The following FUBP1 variants were observed in gnomAD, a reference collection of about 807,000 sequenced individuals.
FUBP1 encodes far upstream element-binding protein 1.
In FUBP1, 16 loss-of-function variants were observed where a neutral mutation model predicts 94.9. The ratio of observed to expected loss-of-function variants is 0.17; its 90% CI spans 0.11 to 0.26. The LOEUF (loss-of-function observed/expected upper bound fraction) is 0.26. FUBP1 is among the 10% of genes least tolerant of loss of function. The pLI is 1.00. For missense variants in FUBP1, 583 were observed against 808.6 expected, an observed-to-expected ratio of 0.72 and a Z score of 3.38; for synonymous variants, 279 against 254.9, an observed-to-expected ratio of 1.09 and a Z score of -0.90.
intron 13 of FUBP1, 55 bp from the exon 14 acceptor site, chr1:77,962,985 AT>A: frequency 4.0e-6 from 5 of 1,243,642 alleles, no homozygotes; most frequent in Non-Finnish European, 5.7e-6. Context: ...ACTAGGAGCT[AT>A]TTAGAAGAAA....
In FUBP1 at chr1:77,966,963, GAAAA is replaced by G. The variant is rs71590706; in HGVS notation, c.344-12_344-9del. 4 of 1,471,560 alleles carry G rather than the reference GAAAA, an allele frequency of 2.7e-6. No individual in the cohort carries two copies. Among genetic ancestry groups the G allele is most frequent in the African/African-American group, 1.4e-5 (1 of 70,200 alleles). 91.2% of individuals were successfully genotyped at this position (1,471,560 alleles called of 1,614,324 possible). On this transcript the variant is annotated splice_polypyrimidine_tract_variant and intron_variant, in intron 5 of 19. Transcript: ENST00000370768. ...CACCTCCTCTGCCAATTACTAGTTA[GAAAA>G]AAAAAAATTTTTTTTTTGGTTGAAA...
At chr1:77,968,129 CT>C in intron 3 of FUBP1, 35 bp downstream of exon 3, 1 of 1,346,584 alleles carries the variant, frequency 7.4e-7, no homozygotes, top group Non-Finnish European at 1.0e-6. Flanking sequence ...GAAATTGTTA[CT>C]TTAGCTTTTG....
intron 17 of FUBP1, among the ~76,000 whole-genome samples, chr1:77,956,213 A>C (rs1274434173): frequency 2.0e-5 from 3 of 152,248 alleles, no homozygotes; most frequent in Non-Finnish European, 4.4e-5. Context: ...TCATGTCTAC[A>C]GTTTAGTCTT....
At chr1:77,951,839 A>G (rs1388054754) in intron 18 of FUBP1, among the ~76,000 whole-genome samples, 3 of 152,146 alleles carry the variant, frequency 2.0e-5, no homozygotes, top group African/African-American at 4.8e-5. Context: ...GTCTTCCCAT[A>G]TAACTGTACC....
chr1:77,978,949 C>T lies in FUBP1; in HGVS notation c.56G>A (p.Gly19Asp), dbSNP rs587778373. ...AACTCCTCCACCACCACCGCCGCCACCACCGCCACCAGCTGAGCCAGAAGA... is the reference window on the plus strand; with the variant it reads ...AACTCCTCCACCACCACCGCCGCCATCACCGCCACCAGCTGAGCCAGAAGA... ...PPSSGSAGGGGGGGGGGGVND... is the reference protein window; with the variant it reads ...PPSSGSAGGGDGGGGGGGVND... Residue 19 changes from glycine (G) to aspartate (D), a missense_variant, in exon 1 of 20, where the codon GGT becomes GAT. Physicochemically the swap from Gly to Asp is moderately conservative, Grantham distance 94. Coordinates refer to ENST00000370768, the MANE Select transcript of FUBP1 (RefSeq NM_003902.5). The T allele has an allele frequency of 3.1e-6, 5 of 1,613,658 alleles. No individual in the cohort carries two copies. Among genetic ancestry groups the T allele is most frequent in the Non-Finnish European group, 4.2e-6 (5 of 1,179,678 alleles).
chr1:77,968,656 C>A (rs76777548), intron 2 of FUBP1, among the ~76,000 whole-genome samples: 126 of 142,358 alleles, frequency 8.9e-4, no homozygotes, highest in Middle Eastern at 3.7e-3. Context: ...AAAAAAAAAA[C>A]AAAAAAACCC....
At chr1:77,961,686 C>CAATT (rs1306025533) in intron 14 of FUBP1, among the ~76,000 whole-genome samples, 1 of 152,206 alleles carries the variant, frequency 6.6e-6, no homozygotes, top group Admixed American at 6.5e-5. Context: ...AATCACCACA[C>CAATT]CAAATTGCTT....
intron 4 of FUBP1, 82 bp downstream of exon 4, chr1:77,967,545 A>G (rs1656735909): frequency 1.0e-6 from 1 of 964,090 alleles, no homozygotes; most frequent in South Asian, 1.5e-5. Flanking sequence ...ACACATATTC[A>G]ATATACACCA....
At chr1:77,960,302 T>C in intron 15 of FUBP1, 39 bp from the exon 16 acceptor site, 1 of 1,612,330 alleles carries the variant, frequency 6.2e-7, no homozygotes, top group Non-Finnish European at 8.5e-7. Context: ...GTCCCAAAAC[T>C]AGAATCTTTG....
Position 77,945,257 on chromosome 1 carries a change from C to T in FUBP1, c.*3509G>A, listed in dbSNP as rs1339528374. ...AACTAACCAAAACTCAACAGGCTCT[C>T]AAGTTTCAATGAGCCCCTTTATATT... is the stretch of plus-strand genomic sequence containing the variant. On this transcript the variant is annotated 3_prime_UTR_variant, in exon 20 of 20. Coordinates refer to ENST00000370768, the MANE Select transcript of FUBP1 (RefSeq NM_003902.5). Among the ~76,000 whole-genome samples the T allele has an allele frequency of 6.6e-6, 1 of 151,926 alleles. No individual in the cohort carries two copies. Among genetic ancestry groups the T allele is most frequent in the Non-Finnish European group, 1.5e-5 (1 of 67,884 alleles).
chr1:77,970,682 A>G (rs1657357086), intron 1 of FUBP1, among the ~76,000 whole-genome samples: 1 of 152,180 alleles, frequency 6.6e-6, no homozygotes, highest in East Asian at 1.9e-4. Context: ...CAAAACCATA[A>G]TTCTTAGAAG....
At chr1:77,973,248 AT>A (rs1244287924) in intron 1 of FUBP1, among the ~76,000 whole-genome samples, 1 of 151,866 alleles carries the variant, frequency 6.6e-6, no homozygotes, top group Non-Finnish European at 1.5e-5. Context: ...ACTTTATTTA[AT>A]TATTATTATT....
At chr1:77,971,731 G>A (rs893059102) in intron 1 of FUBP1, among the ~76,000 whole-genome samples, 3 of 151,628 alleles carry the variant, frequency 2.0e-5, no homozygotes, top group East Asian at 1.9e-4. Context: ...ACTCTCAGCC[G>A]GACACAGTGG....
chr1:77,971,969 C>T (rs1474986530), intron 1 of FUBP1, among the ~76,000 whole-genome samples: 2 of 146,370 alleles, frequency 1.4e-5, no homozygotes, highest in Admixed American at 1.4e-4. Context: ...CACGCCACTG[C>T]ACTCCAGCCT....
chr1:77,967,508 G>A, intron 4 of FUBP1, 119 bp downstream of exon 4: 1 of 755,432 alleles, frequency 1.3e-6, no homozygotes. Context: ...GGAGTGATAT[G>A]AACTAGGTAC....
chr1:77,978,326 G>A (rs1304016855), intron 1 of FUBP1, among the ~76,000 whole-genome samples: 3 of 152,198 alleles, frequency 2.0e-5, no homozygotes, highest in South Asian at 2.1e-4. Flanking sequence ...AAGGGGGGCG[G>A]ACTGGTGGAA....
At chr1:77,957,674 A>C (rs1299645869) in intron 16 of FUBP1, among the ~76,000 whole-genome samples, 1 of 152,214 alleles carries the variant, frequency 6.6e-6, no homozygotes, top group Non-Finnish European at 1.5e-5. Flanking sequence ...TTTGAGAAAA[A>C]TGAGCAAGAA....
chr1:77,971,869 G>C (rs1368751698), intron 1 of FUBP1, among the ~76,000 whole-genome samples: 2 of 151,948 alleles, frequency 1.3e-5, no homozygotes, highest in South Asian at 4.1e-4. Context: ...AATTAGCTGA[G>C]CGTGGTGGCG....
intron 3 of FUBP1, among the ~76,000 whole-genome samples, chr1:77,967,958 C>G (rs1656824767): frequency 6.6e-6 from 1 of 152,082 alleles, no homozygotes; most frequent in African/African-American, 2.4e-5. Context: ...AATAATTCAG[C>G]AACCAATCTT....
Sources: gnomAD v4.1 joint callset for allele counts (sites outside exome capture counted in the v4.1 genomes callset) on GRCh38, gnomAD v4.1.1 for gene constraint, MANE v1.5 for transcripts, NCBI Gene and HGNC (gene_info 2026-07-23, HGNC 2026-07-21) for gene names.